CDH8: variants seen among roughly 807,000 people sequenced by gnomAD.
CDH8 encodes cadherin 8.
CDH8 carries 17 observed loss-of-function variants against 68.1 expected under a neutral mutation model. The observed-to-expected ratio is 0.25, with a 90% CI of 0.17 to 0.37. The LOEUF (loss-of-function observed/expected upper bound fraction) is 0.37, where lower values mean the gene tolerates loss of function less well. Among genes scored for constraint, CDH8 ranks in the 10% least tolerant of loss-of-function variants. CDH8 has a pLI of 1.00. For synonymous variants in CDH8, 372 were observed against 365.1 expected (o/e 1.02, Z -0.21); for missense variants, 763 against 999.3 (o/e 0.76, Z 3.19).
At chr16:61,996,999 GTA>G (rs1491060526) in intron 2 of CDH8, among the ~76,000 whole-genome samples, 4 of 146,710 alleles carry the variant, frequency 2.7e-5, no homozygotes, top group Non-Finnish European at 3.0e-5. Context: ...AATATTGTGT[GTA>G]TGTGTGTGTG....
At chr16:61,825,950 TA>T (rs1273319614) in intron 4 of CDH8, among the ~76,000 whole-genome samples, 3 of 152,078 alleles carry the variant, frequency 2.0e-5, no homozygotes, top group African/African-American at 7.2e-5. Flanking sequence ...ACTGGTAATT[TA>T]ATATTCTTGT....
At chr16:61,705,547 C>T (rs1052768777) in intron 10 of CDH8, among the ~76,000 whole-genome samples, 6 of 152,172 alleles carry the variant, frequency 3.9e-5, no homozygotes, top group African/African-American at 1.4e-4. Context: ...TAGTATGGTT[C>T]GACATACCTC....
intron 2 of CDH8, among the ~76,000 whole-genome samples, chr16:61,994,022 A>G (rs984729933): frequency 1.3e-5 from 2 of 152,176 alleles, no homozygotes; most frequent in African/African-American, 2.4e-5. Context: ...CATCACATAC[A>G]TGGTAAAGTG....
intron 2 of CDH8, among the ~76,000 whole-genome samples, chr16:61,952,418 T>G (rs992615132): frequency 1.3e-5 from 2 of 152,178 alleles, no homozygotes; most frequent in African/African-American, 4.8e-5. Context: ...TTGGGCATCA[T>G]GTAAGAATGA....
At chr16:61,854,306 C>T (rs535760079) in intron 4 of CDH8, among the ~76,000 whole-genome samples, 1 of 152,170 alleles carries the variant, frequency 6.6e-6, no homozygotes, top group East Asian at 1.9e-4. Context: ...TCCACAGGCA[C>T]ATCCCAGCCA....
Position 61,921,296 on chromosome 16 carries a change from C to A in CDH8, c.253-19823G>T, listed in dbSNP as rs1272735580. Among the ~76,000 whole-genome samples, 3 of 150,628 alleles carry A rather than the reference C, an allele frequency of 2.0e-5. No homozygotes were observed. In the East Asian group the frequency reaches 5.9e-4, roughly 30 times the overall value. On this transcript the variant is annotated intron_variant, in intron 2 of 11. Transcript: ENST00000577390. ...ATAAAAGAAAAAAAAAAGAGTGTAGCCTGATTGTTTCATTTGTAAGCTGAA... is the reference window on the plus strand; with the variant it reads ...ATAAAAGAAAAAAAAAAGAGTGTAGACTGATTGTTTCATTTGTAAGCTGAA...
rs34435571 is a variant in CDH8, at chr16:61,795,177, T to TA, written c.1278-5696dup. ...TTTAAGCCAAATCACAGAAAATACT[T>TA]AAAAAAAAAGAGTGGGTTAAAAATA... On this transcript the variant is annotated intron_variant, in intron 7 of 11. Transcript: ENST00000577390. 9.1e-3 allele frequency among the ~76,000 whole-genome samples: 1,376 copies of TA among 150,766 alleles called. 23 individuals are homozygous for TA. Among genetic ancestry groups the TA allele is most frequent in the African/African-American group, 0.031 (1,266 of 41,178 alleles).
chr16:61,693,239 A>G (rs1406641344), intron 10 of CDH8: 1 of 152,176 alleles, frequency 6.6e-6, no homozygotes, highest in East Asian at 1.9e-4. Flanking sequence ...GGATTCTCAA[A>G]GTATAAACTA....
intron 10 of CDH8, among the ~76,000 whole-genome samples, chr16:61,712,891 A>T (rs1252749810): frequency 6.6e-6 from 1 of 151,694 alleles, no homozygotes; most frequent in African/African-American, 2.4e-5. Context: ...AGGAAATTTT[A>T]TCAAGATTCA....
At chr16:61,960,584 A>C (rs1965136912) in intron 2 of CDH8, among the ~76,000 whole-genome samples, 1 of 152,164 alleles carries the variant, frequency 6.6e-6, no homozygotes, top group Admixed American at 6.5e-5. Flanking sequence ...GCTGGTGCCC[A>C]AAAAGACTCT....
intron 10 of CDH8, among the ~76,000 whole-genome samples, chr16:61,678,393 C>G (rs1377773212): frequency 1.3e-5 from 2 of 152,056 alleles, no homozygotes; most frequent in African/African-American, 4.8e-5. Context: ...ACTGATGAAA[C>G]TGCAACTTCC....
chr16:61,782,385 T>C (rs577537566), intron 8 of CDH8, among the ~76,000 whole-genome samples: 3 of 151,970 alleles, frequency 2.0e-5, no homozygotes, highest in Non-Finnish European at 4.4e-5. Context: ...TCAGACCGGC[T>C]TAAAAAACGG....
In CDH8 at chr16:61,914,422, C is replaced by T. The variant is rs147321214; in HGVS notation, c.253-12949G>A. On this transcript the variant is annotated intron_variant, in intron 2 of 11. Coordinates refer to ENST00000577390, the MANE Select transcript of CDH8 (RefSeq NM_001796.5). ...GGGATAGTATCCATTCCCTAATTCC[C>T]AGACTTGTAAATATGTGCTTTACCT... 6.9e-3 allele frequency among the ~76,000 whole-genome samples: 1,052 copies of T among 152,240 alleles called. 12 individuals are homozygous for T. The highest frequency in any genetic ancestry group is 0.024 in the African/African-American group (999 of 41,530).
chr16:61,807,035 C>A (rs1244186022), intron 7 of CDH8, among the ~76,000 whole-genome samples: 5 of 89,202 alleles, frequency 5.6e-5, no homozygotes, highest in East Asian at 7.1e-4. Flanking sequence ...ATGTTTATTG[C>A]GGCATTATTC....
At chr16:61,753,815 A>C (rs1960236732) in intron 8 of CDH8, among the ~76,000 whole-genome samples, 1 of 152,176 alleles carries the variant, frequency 6.6e-6, no homozygotes, top group African/African-American at 2.4e-5. Context: ...AAAAGTATCT[A>C]AGCTCTTACT....
At chr16:61,945,542 C>T (rs566896919) in intron 2 of CDH8, among the ~76,000 whole-genome samples, 5 of 151,882 alleles carry the variant, frequency 3.3e-5, no homozygotes, top group African/African-American at 1.2e-4. Context: ...TCTCTGGGAG[C>T]ATCCCTACTC....
chr16:61,728,507 C>A (rs1959440717), intron 8 of CDH8, among the ~76,000 whole-genome samples: 3 of 150,910 alleles, frequency 2.0e-5, no homozygotes, highest in Admixed American at 6.6e-5. Flanking sequence ...ACCTCATATA[C>A]CCTTTTTAAA....
chr16:61,694,785 G>C (rs1964294535), intron 10 of CDH8, among the ~76,000 whole-genome samples: 1 of 151,986 alleles, frequency 6.6e-6, no homozygotes, highest in Non-Finnish European at 1.5e-5. Flanking sequence ...TGGTGGTGGT[G>C]GTGGTGGTGG....
intron 2 of CDH8, among the ~76,000 whole-genome samples, chr16:62,012,958 AAAT>A (rs1901848509): frequency 1.3e-5 from 2 of 151,934 alleles, no homozygotes; most frequent in African/African-American, 4.8e-5. Context: ...CATTCTCTTT[AAAT>A]TAACTACTTA....
Sources: gnomAD v4.1 joint callset for allele counts (sites outside exome capture counted in the v4.1 genomes callset) on GRCh38, gnomAD v4.1.1 for gene constraint, MANE v1.5 for transcripts, NCBI Gene and HGNC (gene_info 2026-07-23, HGNC 2026-07-21) for gene names.